The following STX8 variants were observed in gnomAD, a reference collection of about 807,000 sequenced individuals.
STX8 encodes the protein syntaxin-8.
STX8 carries 23 observed loss-of-function variants against 37.5 expected under a neutral mutation model. The ratio of observed to expected loss-of-function variants is 0.61; its 90% CI spans 0.44 to 0.87. STX8 has a LOEUF of 0.87. Among genes scored for constraint, STX8 ranks in the 40% least tolerant of loss-of-function variants. The pLI is 0.00. For synonymous variants in STX8, 115 were observed against 99.1 expected (o/e 1.16, Z -0.95); for missense variants, 313 against 284.7 (o/e 1.10, Z -0.71).
At chr17:9,300,318 C>G (rs535650945) in intron 7 of STX8, among the ~76,000 whole-genome samples, 1 of 91,626 alleles carries the variant, frequency 1.1e-5, no homozygotes, top group African/African-American at 3.9e-5. Context: ...GCAACAAGAG[C>G]GAAACTCCAT....
chr17:9,421,474 A>G (rs1201730600), intron 6 of STX8, among the ~76,000 whole-genome samples: 1 of 150,758 alleles, frequency 6.6e-6, no homozygotes, highest in African/African-American at 2.5e-5. Flanking sequence ...CTTGCTGTAA[A>G]TAAGGTTTAT....
intron 5 of STX8, 47 bp downstream of exon 5, chr17:9,504,991 A>G: frequency 6.6e-7 from 1 of 1,521,372 alleles, no homozygotes. Flanking sequence ...AAAAAAAAAA[A>G]ATTCTGGCAA....
chr17:9,546,387 T>TA (rs56901611), intron 3 of STX8, among the ~76,000 whole-genome samples: 89,228 of 146,346 alleles, frequency 0.61, 27,256 homozygotes, highest in East Asian at 0.77. Context: ...AAGTGATGGT[T>TA]AAAAAAAAAA....
intron 7 of STX8, among the ~76,000 whole-genome samples, chr17:9,325,241 T>C (rs1909715054): frequency 1.3e-5 from 2 of 152,216 alleles, no homozygotes; most frequent in South Asian, 2.1e-4. Flanking sequence ...TATTAGAACA[T>C]AACCCCCTCA....
chr17:9,564,437 C>T (rs945325437), intron 2 of STX8, among the ~76,000 whole-genome samples: 2 of 152,152 alleles, frequency 1.3e-5, no homozygotes, highest in Admixed American at 1.3e-4. Context: ...TTGCAGACAA[C>T]ATGATCCTAT....
intron 6 of STX8, among the ~76,000 whole-genome samples, chr17:9,436,450 T>A (rs1056779691): frequency 3.3e-5 from 5 of 151,590 alleles, no homozygotes; most frequent in African/African-American, 9.7e-5. Context: ...GCACGTAGAA[T>A]GGGGAAAGTA....
intron 7 of STX8, among the ~76,000 whole-genome samples, chr17:9,344,667 C>T (rs561195707): frequency 1.3e-5 from 2 of 152,310 alleles, no homozygotes; most frequent in African/African-American, 4.8e-5. Context: ...AATGCCACCT[C>T]ATGTAGGCCT....
chr17:9,476,654 T>C (rs1040385430), intron 6 of STX8, among the ~76,000 whole-genome samples: 1 of 152,028 alleles, frequency 6.6e-6, no homozygotes, highest in Non-Finnish European at 1.5e-5. Flanking sequence ...GGTTTCACCA[T>C]GCTGGCTAGG....
chr17:9,432,388 T>C (rs138592531), intron 6 of STX8, among the ~76,000 whole-genome samples: 2 of 152,274 alleles, frequency 1.3e-5, no homozygotes, highest in African/African-American at 4.8e-5. Context: ...CAGAAAAGTC[T>C]GGCCTGCAGC....
At chr17:9,343,117 C>T (rs946599258) in intron 7 of STX8, among the ~76,000 whole-genome samples, 54 of 148,948 alleles carry the variant, frequency 3.6e-4, no homozygotes, top group African/African-American at 1.3e-3. Flanking sequence ...CTAAGAAAAA[C>T]ATGCCCCAAG....
chr17:9,287,215 C>T (rs1011974958), intron 7 of STX8, among the ~76,000 whole-genome samples: 1 of 152,076 alleles, frequency 6.6e-6, no homozygotes, highest in African/African-American at 2.4e-5. Context: ...GACGATGAAA[C>T]CTAAACAGCA....
At chr17:9,369,577 G>T (rs1244745015) in intron 7 of STX8, among the ~76,000 whole-genome samples, 1 of 151,968 alleles carries the variant, frequency 6.6e-6, no homozygotes, top group Non-Finnish European at 1.5e-5. Context: ...GTTTTATAAG[G>T]TTCAAAAGAG....
chr17:9,556,444 T>C (rs1340480596), intron 3 of STX8, among the ~76,000 whole-genome samples: 1 of 152,038 alleles, frequency 6.6e-6, no homozygotes, highest in Non-Finnish European at 1.5e-5. Flanking sequence ...TATGAATTTC[T>C]CTTTTTTTAT....
chr17:9,466,582 A>T (rs1192937517), intron 6 of STX8, among the ~76,000 whole-genome samples: 1 of 152,166 alleles, frequency 6.6e-6, no homozygotes, highest in Non-Finnish European at 1.5e-5. Context: ...AACTGCAAAA[A>T]CTCAGGAAGA....
chr17:9,458,465 A>G (rs1326987510), intron 6 of STX8, among the ~76,000 whole-genome samples: 1 of 152,224 alleles, frequency 6.6e-6, no homozygotes, highest in Non-Finnish European at 1.5e-5. Context: ...CTGGCTCTTA[A>G]GCACAGGAGA....
At chr17:9,463,600 C>T (rs576709304) in intron 6 of STX8, among the ~76,000 whole-genome samples, 4 of 152,004 alleles carry the variant, frequency 2.6e-5, no homozygotes, top group Admixed American at 1.3e-4. Context: ...GGTGAAACTC[C>T]GTCTCTACTA....
rs544317222 is a variant in STX8 at position 9,538,924 on chromosome 17, G to A, written c.323+6248C>T. 7.2e-5 allele frequency among the ~76,000 whole-genome samples: 11 copies of A among 151,978 alleles called. No homozygotes were observed. The East Asian group carries it at 1.9e-3, about 27-fold the overall frequency. ...AATTGTGAGATTTAGCAATGCTCTC[G>A]AATATAAAGGGCGGGAGGGTTTTAA... On this transcript the variant is annotated intron_variant, in intron 4 of 7. Coordinates refer to ENST00000306357, the MANE Select transcript of STX8 (RefSeq NM_004853.3).
intron 7 of STX8, among the ~76,000 whole-genome samples, chr17:9,317,929 T>A (rs1909444755): frequency 6.6e-6 from 1 of 152,174 alleles, no homozygotes; most frequent in Non-Finnish European, 1.5e-5. Flanking sequence ...GTTTCCCCAG[T>A]GACCTGGATG....
At chr17:9,276,915 T>C (rs992111339) in intron 7 of STX8, among the ~76,000 whole-genome samples, 3 of 151,770 alleles carry the variant, frequency 2.0e-5, no homozygotes, top group Non-Finnish European at 4.4e-5. Flanking sequence ...GGATTACAGG[T>C]GTGAGCCACT....
Sources: allele counts gnomAD v4.1 joint callset (sites outside exome capture counted in the v4.1 genomes callset), GRCh38; gene constraint gnomAD v4.1.1; transcripts MANE v1.5; gene names NCBI Gene and HGNC (gene_info 2026-07-23, HGNC 2026-07-21).